Variants in ABCA1 observed in about 807,000 individuals in gnomAD.
ABCA1 encodes phospholipid-transporting ATPase ABCA1.
ABCA1 carries 133 observed loss-of-function variants against 262.5 expected under a neutral mutation model. The ratio of observed to expected loss-of-function variants is 0.51; its 90% confidence interval spans 0.44 to 0.59. The LOEUF is 0.59. Among genes scored for constraint, ABCA1 ranks in the 20% least tolerant of loss-of-function variants. The pLI is 0.00. For synonymous variants in ABCA1, 1,022 were observed against 1,043.5 expected, an observed-to-expected ratio of 0.98 and a Z score of 0.40; for missense variants, 2,452 against 2,777.5, an observed-to-expected ratio of 0.88 and a Z score of 2.63.
chr9:104,908,093 C>T (rs190617285), intron 1 of ABCA1, among the ~76,000 whole-genome samples: 11 of 152,254 alleles, frequency 7.2e-5, no homozygotes, highest in African/African-American at 2.4e-4. Flanking sequence ...CAGAGAAATG[C>T]AAATTAAAAC....
At position 104,796,058 on chromosome 9, in the gene ABCA1, C is replaced by A; in HGVS notation, c.5377G>T (p.Asp1793Tyr). The change falls in exon 39 of 50, where the codon GAC becomes TAC. Residue 1793 changes from aspartate (D) to tyrosine (Y), a missense_variant. Asp to Tyr is a radical substitution (Grantham distance 160, BLOSUM62 -3). This residue lies in a region of ABCA1 where 752 missense variants were observed against 944.5 expected (regional missense o/e 0.80). Coordinates refer to ENST00000374736, the MANE Select transcript of ABCA1 (RefSeq NM_005502.4). ...VATFVLELFTDNKLNNINDIL... is the reference protein window; with the variant it reads ...VATFVLELFTYNKLNNINDIL... ...GTTCTCTCTGCATGACTCACATTGT[C>A]GGTGAACAGCTCCAGCACAAAGGTG... is the stretch of plus-strand genomic sequence containing the variant. 1 of 1,612,602 alleles carries A rather than the reference C, an allele frequency of 6.2e-7. No homozygotes were observed. Among genetic ancestry groups the A allele is most frequent in the South Asian group, 1.1e-5 (1 of 91,018 alleles).
In ABCA1 at chr9:104,788,443, C is replaced by G; in HGVS notation, c.6052G>C (p.Glu2018Gln). The change falls in exon 45 of 50, where the codon GAG becomes CAG. Residue 2018 changes from glutamate to glutamine, a missense_variant. Physicochemically the swap from Glu to Gln is conservative, Grantham distance 29 (BLOSUM62 2). Transcript: ENST00000374736. ...CACAGTACCTTGCCAACTTCTTTCT[C>G]TGGGACTCCTCTCAAAAGGGCAAAG... The part of the protein sequence containing the change: ...EFFALLRGVP[E>Q]KEVGKVGEWA... 6.2e-7 allele frequency: 1 copy of G among 1,614,190 alleles called. No homozygotes were observed.
intron 5 of ABCA1, among the ~76,000 whole-genome samples, chr9:104,865,372 T>G (rs573199608): frequency 6.6e-6 from 1 of 152,084 alleles, no homozygotes; most frequent in South Asian, 2.1e-4. Flanking sequence ...CAAAATTAGC[T>G]GAGTGTGGTG....
At chr9:104,889,736 C>A (rs1287647256) in intron 2 of ABCA1, among the ~76,000 whole-genome samples, 1 of 152,144 alleles carries the variant, frequency 6.6e-6, no homozygotes, top group Admixed American at 6.5e-5. Context: ...TACACACAAC[C>A]CTTGCTCCTC....
chr9:104,814,096 G>C (rs755382572), intron 27 of ABCA1, 22 bp downstream of exon 27: 1 of 1,607,554 alleles, frequency 6.2e-7, no homozygotes, highest in Non-Finnish European at 8.5e-7. Context: ...GTAGGACACT[G>C]TTTGATCTTG....
chr9:104,798,715 G>T, intron 36 of ABCA1, 117 bp from the exon 37 acceptor site: 1 of 890,506 alleles, frequency 1.1e-6, no homozygotes. Flanking sequence ...GATATCTGAG[G>T]CACAGCCCAA....
chr9:104,782,918 T>A lies in ABCA1; in HGVS notation c.*1397A>T, dbSNP rs1473031669. 6.6e-6 allele frequency: 1 copy of A among 152,516 alleles called. No individual in the cohort carries two copies. Among genetic ancestry groups the A allele is most frequent in the Non-Finnish European group, 1.5e-5 (1 of 68,006 alleles). 9.4% of individuals were successfully genotyped at this position (152,516 alleles called of 1,614,324 possible). A position where few individuals can be genotyped will look rare whatever the true frequency, so the allele number is the denominator to read the frequency against. ...CCTACAACCACAAGACAACCTATAT[T>A]TGTAAACCAGTGAGCTGAATAACAT... On this transcript the variant is annotated 3_prime_UTR_variant, in exon 50 of 50. Transcript: ENST00000374736.
rs1482520924 is a variant in ABCA1 at position 104,824,517 on chromosome 9, C to T, written c.2604G>A (p.Glu868=). 8.1e-6 allele frequency: 13 copies of T among 1,614,124 alleles called. No individual in the cohort carries two copies. The highest frequency in any genetic ancestry group is 1.1e-5 in the Non-Finnish European group (13 of 1,180,016). The part of the protein sequence containing the change: ...FPCTKSYWFG[E]ESDEKSHPGS... ...CAGGGTGGCTCTTCTCATCACTTTC[C>T]TCGCCAAACCAGTAGGACTTGGTGC... Residue 868 remains glutamate, a synonymous_variant, in exon 18 of 50, where the codon GAG becomes GAA. Coordinates refer to ENST00000374736, the MANE Select transcript of ABCA1 (RefSeq NM_005502.4).
At chr9:104,825,221 CCT>C (rs2118986111) in intron 17 of ABCA1, among the ~76,000 whole-genome samples, 1 of 152,270 alleles carries the variant, frequency 6.6e-6, no homozygotes, top group South Asian at 2.1e-4. Context: ...AGTTGTACCC[CCT>C]CTGAGGACAC....
intron 30 of ABCA1, among the ~76,000 whole-genome samples, chr9:104,807,706 A>G (rs916273786): frequency 6.6e-6 from 1 of 151,626 alleles, no homozygotes; most frequent in African/African-American, 2.4e-5. Context: ...CCAGCTACTC[A>G]GGAGGCTGAG....
intron 23 of ABCA1, 86 bp downstream of exon 23, chr9:104,818,577 G>C (rs1831988355): frequency 3.9e-6 from 5 of 1,281,634 alleles, no homozygotes; most frequent in East Asian, 2.3e-5. Flanking sequence ...CATGGCAAAA[G>C]GGGTGGAGAT....
intron 5 of ABCA1, among the ~76,000 whole-genome samples, chr9:104,865,515 CAAA>C (rs925876847): frequency 1.3e-4 from 9 of 66,942 alleles, no homozygotes; most frequent in Admixed American, 3.5e-4. Context: ...GACTCTGTCT[CAAA>C]AAAAAAAAAA....
rs764195312 is a variant in ABCA1 at position 104,792,917 on chromosome 9, A to G, written c.5637-11T>C. 6.2e-7 allele frequency: 1 copy of G among 1,613,956 alleles called. No individual in the cohort carries two copies. Among genetic ancestry groups the G allele is most frequent in the Admixed American group, 1.7e-5 (1 of 60,014 alleles). ...TTTGCATTTACAGGTCTTGGGGGAA[A>G]AAACAAGAAAAATGAACCTTTCAAA... On this transcript the variant is annotated splice_polypyrimidine_tract_variant and intron_variant, in intron 41 of 49. Transcript: ENST00000374736.
At chr9:104,869,867 T>C (rs1278267466) in intron 5 of ABCA1, among the ~76,000 whole-genome samples, 2 of 152,176 alleles carry the variant, frequency 1.3e-5, no homozygotes, top group African/African-American at 4.8e-5. Context: ...TTAGGCTCTC[T>C]GAGCCTCCAT....
At position 104,829,107 on chromosome 9, in the gene ABCA1, G is replaced by C; in HGVS notation, c.1924C>G (p.Leu642Val). The stretch of plus-strand genomic sequence containing the variant: ...TAAATCCAGGCCAGCGTCATGAAGA[G>C]GGGCATTGACCGGCTCATCACCCGC... ...FLRVMSRSMP[L>V]FMTLAWIYSV... The change falls in exon 15 of 50, where the codon CTC becomes GTC. Residue 642 changes from leucine (L) to valine (V), a missense_variant. Coordinates refer to ENST00000374736, the MANE Select transcript of ABCA1 (RefSeq NM_005502.4). 1 of 1,614,192 alleles carries C rather than the reference G, an allele frequency of 6.2e-7. No homozygotes were observed.
Position 104,793,220 on chromosome 9 carries a change from A to G in ABCA1, c.5587T>C (p.Phe1863Leu). 1 of 1,614,110 alleles carries G rather than the reference A, an allele frequency of 6.2e-7. No individual in the cohort carries two copies. The highest frequency in any genetic ancestry group is 8.5e-7 in the Non-Finnish European group (1 of 1,180,002). ...LFAMAVEGVV[F>L]FLITVLIQYR... ...TGGATCAGAACAGTAATGAGGAAGA[A>G]CACCACCCCTTCCACGGCCATGGCG... Residue 1863 changes from phenylalanine (F) to leucine (L), a missense_variant, in exon 41 of 50, where the codon TTC becomes CTC. This residue lies in a region of ABCA1 where 752 missense variants were observed against 944.5 expected (regional missense o/e 0.80). Transcript: ENST00000374736.
chr9:104,842,777 G>C (rs1834499041), intron 8 of ABCA1, among the ~76,000 whole-genome samples: 1 of 152,076 alleles, frequency 6.6e-6, no homozygotes, highest in African/African-American at 2.4e-5. Context: ...CCAACAACCA[G>C]AGTGTAAACA....
At chr9:104,824,918 G>T (rs1188969063) in intron 17 of ABCA1, among the ~76,000 whole-genome samples, 1 of 152,190 alleles carries the variant, frequency 6.6e-6, no homozygotes, top group Non-Finnish European at 1.5e-5. Flanking sequence ...CATATTCAAT[G>T]AAAGAAGTTC....
intron 5 of ABCA1, 91 bp from the exon 6 acceptor site, chr9:104,861,891 A>G (rs1836429928): frequency 6.8e-6 from 8 of 1,183,774 alleles, no homozygotes; most frequent in African/African-American, 1.5e-5. Flanking sequence ...AAACGTTATC[A>G]TAATATTGAT....
Sources: gnomAD v4.1 joint callset for allele counts (sites outside exome capture counted in the v4.1 genomes callset) on GRCh38, gnomAD v4.1.1 for gene constraint, gnomAD v4.1.1 regional missense constraint, MANE v1.5 for transcripts, NCBI Gene and HGNC (gene_info 2026-07-23, HGNC 2026-07-21) for gene names.